The following PRKG1 variants were observed in gnomAD, a reference collection of about 807,000 sequenced individuals.
The protein encoded by PRKG1 is cGMP-dependent protein kinase 1.
In PRKG1, 35 loss-of-function variants were observed where a neutral mutation model predicts 88.1. The observed-to-expected ratio is 0.40, with a 90% CI of 0.30 to 0.53. The LOEUF (loss-of-function observed/expected upper bound fraction) is 0.53. Ranked by LOEUF, PRKG1 falls within the 20% of genes least tolerant of loss-of-function variation. The probability of loss-of-function intolerance (pLI) is 0.59; values close to 1 mark genes in which losing one functional copy is unlikely to be tolerated. For missense variants in PRKG1, 540 were observed against 839.8 expected (o/e 0.64, Z 4.41); for synonymous variants, 303 against 292.5 (o/e 1.04, Z -0.37).
intron 3 of PRKG1, among the ~76,000 whole-genome samples, chr10:51,703,604 C>T (rs1841528179): frequency 6.6e-6 from 1 of 152,034 alleles, no homozygotes; most frequent in African/African-American, 2.4e-5. Context: ...TTATTTCATT[C>T]CATCAATATT....
chr10:51,688,498 G>T (rs1361868187), intron 3 of PRKG1, among the ~76,000 whole-genome samples: 2 of 150,032 alleles, frequency 1.3e-5, no homozygotes, highest in Non-Finnish European at 3.0e-5. Flanking sequence ...TTCTTCCTCT[G>T]CCTGAAAAAT....
intron 4 of PRKG1, among the ~76,000 whole-genome samples, chr10:51,870,681 A>G (rs1841134197): frequency 6.6e-6 from 1 of 152,140 alleles, no homozygotes; most frequent in Non-Finnish European, 1.5e-5. Context: ...GAAGAATCGC[A>G]TAGGTCAGAT....
At chr10:51,962,591 G>A (rs924332039) in intron 5 of PRKG1, among the ~76,000 whole-genome samples, 3 of 152,054 alleles carry the variant, frequency 2.0e-5, no homozygotes, top group Non-Finnish European at 4.4e-5. Context: ...TGTTCATTGA[G>A]ACTAAATTTG....
chr10:51,074,755 A>G lies in PRKG1; in HGVS notation c.165A>G (p.Pro55=). 6.2e-7 allele frequency: 1 copy of G among 1,614,094 alleles called. No individual in the cohort carries two copies. Among genetic ancestry groups the G allele is most frequent in the Non-Finnish European group, 8.5e-7 (1 of 1,179,966 alleles). Residue 55 remains proline (P), a synonymous_variant, in exon 1 of 18, where the codon CCA becomes CCG. Transcript: ENST00000373980. ...ACAAGTACCGCTCGGTGATCCGACC[A>G]GCCACCCAGCAGGCGCAGAAGCAGA... ...ELDKYRSVIR[P]ATQQAQKQSA...
chr10:51,690,917 ACT>A (rs1318889300), intron 3 of PRKG1, among the ~76,000 whole-genome samples: 2 of 118,456 alleles, frequency 1.7e-5, no homozygotes, highest in Non-Finnish European at 3.3e-5. Flanking sequence ...ACAGAGTGAG[ACT>A]CTGTCTCAAA....
intron 5 of PRKG1, among the ~76,000 whole-genome samples, chr10:52,033,811 C>T (rs530143595): frequency 1.3e-5 from 2 of 152,122 alleles, no homozygotes; most frequent in South Asian, 2.1e-4. Context: ...AGCAACATGG[C>T]TGTTTATTTC....
chr10:51,681,748 T>G (rs1207407355), intron 3 of PRKG1, among the ~76,000 whole-genome samples: 1 of 152,158 alleles, frequency 6.6e-6, no homozygotes. Flanking sequence ...GAAATACTAT[T>G]TATAGGTAAA....
intron 3 of PRKG1, among the ~76,000 whole-genome samples, chr10:51,738,519 A>G (rs1336238092): frequency 6.6e-6 from 1 of 152,236 alleles, no homozygotes; most frequent in Non-Finnish European, 1.5e-5. Context: ...GACAAATTCT[A>G]AACATTCAAA....
chr10:51,173,805 G>A lies in PRKG1; in HGVS notation c.478+20475G>A, dbSNP rs565318028. On this transcript the variant is annotated intron_variant, in intron 2 of 17. Coordinates refer to ENST00000373980, the MANE Select transcript of PRKG1 (RefSeq NM_006258.4). Reference sequence around the variant, plus strand: ...AATAATCAAATTTTTCTTGAGGTTTGTATTTAAAATCAGGCTGTATGTCAT... The same window carrying A: ...AATAATCAAATTTTTCTTGAGGTTTATATTTAAAATCAGGCTGTATGTCAT... Among the ~76,000 whole-genome samples, 93 of 151,842 alleles carry A rather than the reference G, an allele frequency of 6.1e-4. 1 individual carries two copies. Among genetic ancestry groups the A allele is most frequent in the African/African-American group, 2.2e-3 (92 of 41,514 alleles).
intron 3 of PRKG1, among the ~76,000 whole-genome samples, chr10:51,690,897 C>G (rs184931247): frequency 7.4e-6 from 1 of 134,574 alleles, no homozygotes. Flanking sequence ...CTACACCCCC[C>G]AGCCTGGCGA....
chr10:51,597,586 G>C (rs140598013), intron 3 of PRKG1, among the ~76,000 whole-genome samples: 1 of 152,036 alleles, frequency 6.6e-6, no homozygotes, highest in Admixed American at 6.6e-5. Context: ...TTGCTCATTT[G>C]TCAGTTTTTC....
In PRKG1 at chr10:52,294,731, G is replaced by A. The variant is rs994250224; in HGVS notation, c.*831G>A. Reference sequence around the variant, plus strand: ...AGATGGTCCTGGAAGTAAATGACTAGCAGCCAATTGGTTTTACTTAACATA... The same window carrying A: ...AGATGGTCCTGGAAGTAAATGACTAACAGCCAATTGGTTTTACTTAACATA... On this transcript the variant is annotated 3_prime_UTR_variant, in exon 18 of 18. Coordinates refer to ENST00000373980, the MANE Select transcript of PRKG1 (RefSeq NM_006258.4). 6.6e-6 allele frequency: 1 copy of A among 152,452 alleles called. No individual in the cohort carries two copies. The allele number at this position is 152,452 out of a possible 1,614,324, so 9.4% of individuals were successfully genotyped here. A position where few individuals can be genotyped will look rare whatever the true frequency, so the allele number is the denominator to read the frequency against.
intron 2 of PRKG1, among the ~76,000 whole-genome samples, chr10:51,225,204 T>C (rs957796734): frequency 1.3e-5 from 2 of 152,204 alleles, no homozygotes; most frequent in Non-Finnish European, 2.9e-5. Context: ...TTCACATACG[T>C]GTTGCCTCCT....
intron 1 of PRKG1, among the ~76,000 whole-genome samples, chr10:51,060,156 T>C (rs1843677689): frequency 6.6e-6 from 1 of 152,114 alleles, no homozygotes. Flanking sequence ...TTGGATTATA[T>C]TTACCATTTT....
At chr10:52,111,092 T>C (rs1385655612) in intron 7 of PRKG1, among the ~76,000 whole-genome samples, 2 of 152,178 alleles carry the variant, frequency 1.3e-5, no homozygotes, top group African/African-American at 4.8e-5. Flanking sequence ...CTAGGCACAA[T>C]GAGATCAAAT....
intron 5 of PRKG1, chr10:51,908,601 T>C (rs7899670): frequency 4.6e-5 from 7 of 151,308 alleles, no homozygotes; most frequent in African/African-American, 1.7e-4. Flanking sequence ...GTTGAAAAAA[T>C]AAATAAAGAA....
chr10:51,216,884 T>A (rs1838385645), intron 2 of PRKG1, among the ~76,000 whole-genome samples: 1 of 152,152 alleles, frequency 6.6e-6, no homozygotes, highest in Non-Finnish European at 1.5e-5. Context: ...ATAATATAAA[T>A]TCCACCTTGT....
At chr10:51,858,828 G>T (rs765864689) in intron 4 of PRKG1, among the ~76,000 whole-genome samples, 3 of 152,036 alleles carry the variant, frequency 2.0e-5, no homozygotes, top group Non-Finnish European at 4.4e-5. Context: ...TTCCCATTAT[G>T]CCTTAAACAC....
intron 3 of PRKG1, among the ~76,000 whole-genome samples, chr10:51,477,940 A>G (rs1163288163): frequency 6.6e-6 from 1 of 152,068 alleles, no homozygotes; most frequent in Admixed American, 6.6e-5. Flanking sequence ...TACCAAAACC[A>G]AACTACAGGT....
Sources: allele counts gnomAD v4.1 joint callset (sites outside exome capture counted in the v4.1 genomes callset), GRCh38; gene constraint gnomAD v4.1.1; transcripts MANE v1.5; gene names NCBI Gene and HGNC (gene_info 2026-07-23, HGNC 2026-07-21).